The following NPAS3 variants were observed in gnomAD, a reference collection of about 807,000 sequenced individuals.
NPAS3 encodes the protein neuronal PAS domain protein 3.
Under a neutral mutation model 73.1 loss-of-function variants are expected in NPAS3, and 14 were observed. The ratio of observed to expected loss-of-function variants is 0.19; its 90% CI spans 0.13 to 0.30. The LOEUF is 0.30. Among genes scored for constraint, NPAS3 ranks in the 10% least tolerant of loss-of-function variants. The pLI, the probability that NPAS3 is intolerant of heterozygous loss-of-function variation, is 1.00. For synonymous variants in NPAS3, 620 were observed against 541.5 expected (o/e 1.14, Z -2.01); for missense variants, 1,096 against 1,250.0 (o/e 0.88, Z 1.86).
In NPAS3 at chr14:33,160,433, G is replaced by A. The variant is rs150992252; in HGVS notation, c.141-54749G>A. On this transcript the variant is annotated intron_variant, in intron 2 of 11. Coordinates refer to ENST00000356141, the Ensembl canonical transcript of NPAS3. ...CTCTGAATTAATAGTTTGATTAACT[G>A]TGCCAAAGAAAAGTCTGTGGCTCTG... Among the ~76,000 whole-genome samples, 398 of 145,496 alleles carry A rather than the reference G, an allele frequency of 2.7e-3. 1 individual carries two copies. Among genetic ancestry groups the A allele is most frequent in the African/African-American group, 9.5e-3 (375 of 39,302 alleles).
chr14:33,483,046 G>T (rs1050680861), intron 4 of NPAS3, among the ~76,000 whole-genome samples: 8 of 152,170 alleles, frequency 5.3e-5, no homozygotes, highest in African/African-American at 1.9e-4. Flanking sequence ...GAAAGCAAAG[G>T]AAGACCCGAG....
chr14:33,098,762 T>C (rs2042496006), intron 2 of NPAS3, among the ~76,000 whole-genome samples: 1 of 152,208 alleles, frequency 6.6e-6, no homozygotes, highest in Admixed American at 6.5e-5. Context: ...AAGTTGACTC[T>C]CAAATGAGAC....
chr14:33,515,019 T>C (rs1370307346), intron 4 of NPAS3, among the ~76,000 whole-genome samples: 1 of 152,114 alleles, frequency 6.6e-6, no homozygotes, highest in African/African-American at 2.4e-5. Context: ...GCACAGAGAT[T>C]ATGACTTGCC....
chr14:33,353,406 G>A (rs74540956), intron 3 of NPAS3, among the ~76,000 whole-genome samples: 6,653 of 152,168 alleles, frequency 0.044, 467 homozygotes, highest in African/African-American at 0.15. Flanking sequence ...GGAGTTGTAG[G>A]GACTCCAAAA....
chr14:33,576,785 A>C (rs2056452559), intron 5 of NPAS3, among the ~76,000 whole-genome samples: 1 of 152,172 alleles, frequency 6.6e-6, no homozygotes, highest in African/African-American at 2.4e-5. Flanking sequence ...GCTGTTTGCG[A>C]GACATTCCTA....
chr14:33,653,410 G>A (rs146145729), intron 5 of NPAS3, among the ~76,000 whole-genome samples: 52 of 152,248 alleles, frequency 3.4e-4, no homozygotes, highest in African/African-American at 1.2e-3. Context: ...TTTCATTCTT[G>A]GCAGCATGTT....
At chr14:33,087,212 A>T (rs2042064928) in intron 2 of NPAS3, among the ~76,000 whole-genome samples, 1 of 104,892 alleles carries the variant, frequency 9.5e-6, no homozygotes, top group East Asian at 2.0e-4. Flanking sequence ...ATATAGTATT[A>T]TTATTATTGT....
chr14:32,989,277 T>G (rs921908385), intron 1 of NPAS3, among the ~76,000 whole-genome samples: 3 of 152,318 alleles, frequency 2.0e-5, no homozygotes, highest in Non-Finnish European at 4.4e-5. Context: ...GGGAAATCTA[T>G]ACAGGCTGTT....
intron 5 of NPAS3, among the ~76,000 whole-genome samples, chr14:33,666,129 G>A (rs905611849): frequency 2.6e-5 from 4 of 152,086 alleles, no homozygotes; most frequent in African/African-American, 4.8e-5. Context: ...GTTAATGAAC[G>A]CTGGCATGGA....
chr14:33,222,021 C>T (rs757373852), intron 3 of NPAS3, among the ~76,000 whole-genome samples: 5 of 151,908 alleles, frequency 3.3e-5, no homozygotes, highest in African/African-American at 9.7e-5. Context: ...AGCTTAGGTT[C>T]GATGAAGAAT....
chr14:33,658,275 T>C (rs10133174), intron 5 of NPAS3, among the ~76,000 whole-genome samples: 86,517 of 152,058 alleles, frequency 0.57, 24,643 homozygotes, highest in South Asian at 0.61. Context: ...ATTTCAAGAA[T>C]CAGTGGTGAA....
At chr14:32,950,725 C>T (rs1278073940) in intron 1 of NPAS3, among the ~76,000 whole-genome samples, 1 of 152,086 alleles carries the variant, frequency 6.6e-6, no homozygotes, top group Non-Finnish European at 1.5e-5. Flanking sequence ...TGCATAGCAA[C>T]TGAAACAAAT....
intron 2 of NPAS3, among the ~76,000 whole-genome samples, chr14:33,160,567 C>T (rs567131960): frequency 1.3e-5 from 2 of 150,268 alleles, no homozygotes; most frequent in South Asian, 2.1e-4. Context: ...GTGCAGCACA[C>T]CAACATGGCA....
At chr14:33,408,066 TTTA>T (rs1431348613) in intron 4 of NPAS3, among the ~76,000 whole-genome samples, 2 of 152,172 alleles carry the variant, frequency 1.3e-5, no homozygotes, top group Admixed American at 6.6e-5. Flanking sequence ...ATGAAATGTC[TTTA>T]TTAGTCACTT....
chr14:32,973,401 A>G (rs969536462), intron 1 of NPAS3, among the ~76,000 whole-genome samples: 8 of 152,188 alleles, frequency 5.3e-5, no homozygotes, highest in African/African-American at 1.9e-4. Context: ...ACACCTAACT[A>G]CAATCTAAAA....
intron 5 of NPAS3, among the ~76,000 whole-genome samples, chr14:33,608,267 T>C (rs995217060): frequency 3.3e-5 from 5 of 152,214 alleles, no homozygotes; most frequent in African/African-American, 1.2e-4. Context: ...CCAGTCCCTT[T>C]CATTTAGGCA....
At chr14:33,470,911 T>C (rs1298693251) in intron 4 of NPAS3, among the ~76,000 whole-genome samples, 1 of 147,076 alleles carries the variant, frequency 6.8e-6, no homozygotes, top group East Asian at 2.0e-4. Flanking sequence ...CACAAGCTGA[T>C]GCGGGATTTG....
At chr14:33,261,004 T>C (rs1347080266) in intron 3 of NPAS3, among the ~76,000 whole-genome samples, 5 of 152,342 alleles carry the variant, frequency 3.3e-5, no homozygotes, top group African/African-American at 1.2e-4. Flanking sequence ...CTTTTAAGCA[T>C]GAAGAAAACA....
intron 3 of NPAS3, among the ~76,000 whole-genome samples, chr14:33,274,494 A>G (rs1378410700): frequency 1.2e-4 from 18 of 151,964 alleles, no homozygotes; most frequent in African/African-American, 4.3e-4. Flanking sequence ...TCCAAGTCCT[A>G]ATTATCTTTA....
Sources: allele counts gnomAD v4.1 joint callset (sites outside exome capture counted in the v4.1 genomes callset), GRCh38; gene constraint gnomAD v4.1.1; transcripts MANE v1.5; gene names NCBI Gene and HGNC (gene_info 2026-07-23, HGNC 2026-07-21).